Variants in BEND4 observed in about 807,000 individuals in gnomAD.
The protein encoded by BEND4 is BEN domain-containing protein 4.
Under a neutral mutation model 54.7 loss-of-function variants are expected in BEND4, and 27 were observed. That is an observed-to-expected ratio of 0.49 (90% CI 0.36 to 0.68). BEND4 has a LOEUF of 0.68. BEND4 is among the 30% of genes least tolerant of loss of function. The probability of loss-of-function intolerance (pLI) is 0.00; values close to 1 mark genes in which losing one functional copy is unlikely to be tolerated. For synonymous variants in BEND4, 327 were observed against 299.5 expected, an observed-to-expected ratio of 1.09 and a Z score of -0.95; for missense variants, 702 against 697.2, an observed-to-expected ratio of 1.01 and a Z score of -0.08.
chr4:42,118,697 T>C (rs1487983067), intron 5 of BEND4, among the ~76,000 whole-genome samples: 2 of 152,184 alleles, frequency 1.3e-5, no homozygotes, highest in African/African-American at 4.8e-5. Flanking sequence ...TTTGGCTCCT[T>C]TATAAGCCCA....
intron 3 of BEND4, among the ~76,000 whole-genome samples, chr4:42,139,083 T>TAC (rs1355855990): frequency 6.6e-6 from 1 of 152,224 alleles, no homozygotes; most frequent in Non-Finnish European, 1.5e-5. Context: ...AATGAGAAGT[T>TAC]CTATGCACTA....
chr4:42,139,593 A>G (rs1429503419), intron 3 of BEND4, among the ~76,000 whole-genome samples: 2 of 147,304 alleles, frequency 1.4e-5, no homozygotes, highest in African/African-American at 5.1e-5. Flanking sequence ...TTATTTCAGA[A>G]AAAAAAAAAA....
chr4:42,120,105 T>C lies in BEND4; in HGVS notation c.1336A>G (p.Thr446Ala). Residue 446 changes from threonine to alanine, a missense_variant, in exon 5 of 6, where the codon ACA (threonine) becomes GCA (alanine). Physicochemically the swap from Thr to Ala is moderately conservative, Grantham distance 58. Coordinates refer to ENST00000502486, the MANE Select transcript of BEND4 (RefSeq NM_207406.4). ...TCCAGAGGGCGTCTTTCGGGACCTGTCTCTCCTGACTGCACTGACCTTTTC... is the reference window on the plus strand; with the variant it reads ...TCCAGAGGGCGTCTTTCGGGACCTGCCTCTCCTGACTGCACTGACCTTTTC... ...KRKRSVQSGE[T>A]GPERRPLDPV... 1 of 1,613,972 alleles carries C rather than the reference T, an allele frequency of 6.2e-7. No homozygotes were observed. Among genetic ancestry groups the C allele is most frequent in the Admixed American group, 1.7e-5 (1 of 60,014 alleles).
At chr4:42,131,279 A>G (rs1392707469) in intron 3 of BEND4, among the ~76,000 whole-genome samples, 1 of 152,232 alleles carries the variant, frequency 6.6e-6, no homozygotes, top group Admixed American at 6.5e-5. Context: ...AAGGCAGCAT[A>G]TAAAACTGTT....
At position 42,152,053 on chromosome 4, in the gene BEND4, G is replaced by C; in HGVS notation, c.91C>G (p.Pro31Ala). 8.0e-7 allele frequency: 1 copy of C among 1,252,256 alleles called. No individual in the cohort carries two copies. The highest frequency in any genetic ancestry group is 1.0e-6 in the Non-Finnish European group (1 of 991,216). The allele number at this position is 1,252,256 out of a possible 1,614,324, so 77.6% of individuals were successfully genotyped here. ...RSPYSVLKTFPSKRPALAKRY... is the reference protein window; with the variant it reads ...RSPYSVLKTFASKRPALAKRY... The stretch of plus-strand genomic sequence containing the variant: ...TTGGCCAGCGCCGGTCTCTTGCTGG[G>C]GAACGTCTTGAGGACGCTGTAGGGG... The change falls in exon 2 of 6, where the codon CCC becomes GCC. Residue 31 changes from proline (P) to alanine (A), a missense_variant. Transcript: ENST00000502486.
At chr4:42,142,677 TA>T (rs766019816) in intron 3 of BEND4, among the ~76,000 whole-genome samples, 7,570 of 137,946 alleles carry the variant, frequency 0.055, 285 homozygotes, top group African/African-American at 0.12. Flanking sequence ...CTTACCAGTT[TA>T]AAAAAAAAAA....
At chr4:42,123,976 A>G (rs750187885) in intron 4 of BEND4, among the ~76,000 whole-genome samples, 7 of 152,206 alleles carry the variant, frequency 4.6e-5, no homozygotes, top group Non-Finnish European at 1.0e-4. Context: ...TGGGCCAGGT[A>G]TTTGGCACGG....
At position 42,151,644 on chromosome 4, in the gene BEND4, G is replaced by C; in HGVS notation, c.487+13C>G. ...GCCGTGGCGGGAAGGAAAGTTGTGC[G>C]GAGAGTTGGTACCTGCGCTGAGCTC... is the stretch of plus-strand genomic sequence containing the variant. On this transcript the variant is annotated intron_variant, in intron 2 of 5. Transcript: ENST00000502486. 6.9e-7 allele frequency: 1 copy of C among 1,453,596 alleles called. No individual in the cohort carries two copies. Among genetic ancestry groups the C allele is most frequent in the Non-Finnish European group, 9.0e-7 (1 of 1,110,422 alleles). The allele number at this position is 1,453,596 out of a possible 1,614,324, so 90.0% of individuals were successfully genotyped here.
At chr4:42,140,313 CAAAT>C (rs1560582216) in intron 3 of BEND4, among the ~76,000 whole-genome samples, 4 of 152,124 alleles carry the variant, frequency 2.6e-5, no homozygotes, top group Admixed American at 6.5e-5. Flanking sequence ...TAAGTAATCA[CAAAT>C]AAGCTAATAT....
At chr4:42,125,167 A>C (rs1720222623) in intron 4 of BEND4, among the ~76,000 whole-genome samples, 1 of 152,178 alleles carries the variant, frequency 6.6e-6, no homozygotes, top group South Asian at 2.1e-4. Flanking sequence ...AAAATAACCC[A>C]TGTGCAGGGG....
chr4:42,128,114 CTG>C (rs1207864129), intron 3 of BEND4, among the ~76,000 whole-genome samples: 2 of 152,160 alleles, frequency 1.3e-5, no homozygotes, highest in African/African-American at 4.8e-5. Flanking sequence ...CAAGCCATGA[CTG>C]TGCCACTGCA....
At chr4:42,147,928 T>G (rs557918635) in intron 2 of BEND4, among the ~76,000 whole-genome samples, 32 of 152,096 alleles carry the variant, frequency 2.1e-4, no homozygotes, top group Non-Finnish European at 4.1e-4. Flanking sequence ...TCACAGCAGA[T>G]CCCCAAGAGA....
intron 3 of BEND4, among the ~76,000 whole-genome samples, chr4:42,136,392 T>C (rs991509754): frequency 2.6e-5 from 4 of 152,224 alleles, no homozygotes; most frequent in Admixed American, 1.3e-4. Context: ...CCAAGGTTAG[T>C]TCTCTAGTTT....
At chr4:42,130,705 A>G (rs1170274629) in intron 3 of BEND4, among the ~76,000 whole-genome samples, 1 of 152,188 alleles carries the variant, frequency 6.6e-6, no homozygotes, top group African/African-American at 2.4e-5. Flanking sequence ...CAGCAATCCC[A>G]TTACTGGGTA....
chr4:42,117,862 A>G (rs1360705496), intron 5 of BEND4, 127 bp from the exon 6 acceptor site: 10 of 644,120 alleles, frequency 1.6e-5, no homozygotes, highest in Non-Finnish European at 2.4e-5. Context: ...GGGAAATCCA[A>G]CGCAATGCCA....
At chr4:42,135,558 G>A (rs1720668398) in intron 3 of BEND4, among the ~76,000 whole-genome samples, 1 of 152,034 alleles carries the variant, frequency 6.6e-6, no homozygotes. Context: ...AGATCATGAG[G>A]TCAGGAGATC....
intron 2 of BEND4, among the ~76,000 whole-genome samples, chr4:42,145,594 A>C (rs2153147544): frequency 6.6e-6 from 1 of 151,616 alleles, no homozygotes; most frequent in Non-Finnish European, 1.5e-5. Flanking sequence ...CGGGGGGCTG[A>C]GGCAGGAGAA....
At chr4:42,140,158 C>G (rs1453887901) in intron 3 of BEND4, among the ~76,000 whole-genome samples, 2 of 152,054 alleles carry the variant, frequency 1.3e-5, no homozygotes, top group African/African-American at 4.8e-5. Flanking sequence ...AACCTGTTTT[C>G]CAATATTAAG....
chr4:42,134,746 G>A (rs564962618), intron 3 of BEND4, among the ~76,000 whole-genome samples: 176 of 152,344 alleles, frequency 1.2e-3, no homozygotes, highest in African/African-American at 4.1e-3. Flanking sequence ...TGTCACCTGA[G>A]CTGGGTACTA....
Sources: allele counts gnomAD v4.1 joint callset (sites outside exome capture counted in the v4.1 genomes callset), GRCh38; gene constraint gnomAD v4.1.1; transcripts MANE v1.5; gene names NCBI Gene and HGNC (gene_info 2026-07-23, HGNC 2026-07-21).